TPRG1: variants seen among roughly 807,000 people sequenced by gnomAD.
TPRG1 encodes the protein tumor protein p63-regulated gene 1 protein.
A neutral mutation model predicts 29.3 loss-of-function variants in TPRG1; 29 were observed. That is an observed-to-expected ratio of 0.99 (90% confidence interval 0.74 to 1.35). The LOEUF (loss-of-function observed/expected upper bound fraction) is 1.35, where lower values mean the gene tolerates loss of function less well. Ranked by LOEUF, TPRG1 falls within the 40% of genes most tolerant of loss-of-function variation. TPRG1 has a pLI of 0.00. For missense variants in TPRG1, 327 were observed against 335.0 expected (o/e 0.98, Z 0.19); for synonymous variants, 130 against 116.8 (o/e 1.11, Z -0.73).
intron 1 of TPRG1, among the ~76,000 whole-genome samples, chr3:189,196,913 C>T (rs577437620): frequency 6.6e-6 from 1 of 152,216 alleles, no homozygotes; most frequent in South Asian, 2.1e-4. Flanking sequence ...TTTATAAAAT[C>T]GATGTGTAAA....
Position 189,179,627 on chromosome 3 carries a change from T to C in TPRG1, c.-10+7496T>C, listed in dbSNP as rs114000342. 5.7e-3 allele frequency among the ~76,000 whole-genome samples: 868 copies of C among 152,330 alleles called. 6 individuals are homozygous for C. The highest frequency in any genetic ancestry group is 0.01 in the Non-Finnish European group (701 of 68,028). ...TAGATCTGACTCTTTCACAGACAAT[T>C]ACTCCTTAAGGGAAGAAATTGTATT... On this transcript the variant is annotated intron_variant, in intron 1 of 5. Transcript: ENST00000345063.
chr3:189,179,775 G>A (rs936736242), intron 1 of TPRG1, among the ~76,000 whole-genome samples: 3 of 152,224 alleles, frequency 2.0e-5, no homozygotes, highest in African/African-American at 7.2e-5. Flanking sequence ...ATGCCATTTA[G>A]AGTTGCACTA....
intron 3 of TPRG1, among the ~76,000 whole-genome samples, chr3:189,238,016 C>G (rs971745877): frequency 6.6e-6 from 1 of 152,170 alleles, no homozygotes; most frequent in African/African-American, 2.4e-5. Flanking sequence ...TTTCTGTTCT[C>G]TCTGTTGGAG....
intron 3 of TPRG1, among the ~76,000 whole-genome samples, chr3:189,220,536 G>T (rs1736777779): frequency 6.6e-6 from 1 of 152,060 alleles, no homozygotes; most frequent in Non-Finnish European, 1.5e-5. Flanking sequence ...AATCACACAG[G>T]TACTAAGCCC....
intron 4 of TPRG1, among the ~76,000 whole-genome samples, chr3:189,270,609 C>T (rs1042201302): frequency 1.3e-5 from 2 of 152,222 alleles, no homozygotes; most frequent in East Asian, 3.8e-4. Context: ...CACTGTTTGT[C>T]ACTGGCCATG....
chr3:189,112,089 T>C (rs772128498), intron 1 of TPRG1, among the ~76,000 whole-genome samples: 2 of 152,192 alleles, frequency 1.3e-5, no homozygotes, highest in East Asian at 1.9e-4. Flanking sequence ...TCTGTTGATA[T>C]GATGAATTAC....
At chr3:189,134,234 T>G (rs1221124403) in intron 3 of TPRG1, among the ~76,000 whole-genome samples, 1 of 152,086 alleles carries the variant, frequency 6.6e-6, no homozygotes, top group East Asian at 1.9e-4. Context: ...TTTCCTCATC[T>G]GCAAAATGAA....
intron 4 of TPRG1, among the ~76,000 whole-genome samples, chr3:189,048,515 C>T (rs1715108875): frequency 6.6e-6 from 1 of 152,164 alleles, no homozygotes; most frequent in Non-Finnish European, 1.5e-5. Context: ...TCAGCCTATC[C>T]TTTGATGCTT....
intron 3 of TPRG1, among the ~76,000 whole-genome samples, chr3:189,139,283 A>G (rs1020825285): frequency 4.6e-5 from 7 of 152,208 alleles, no homozygotes; most frequent in African/African-American, 1.2e-4. Context: ...TGCTCTTTGC[A>G]GTTTCACAGA....
intron 4 of TPRG1, among the ~76,000 whole-genome samples, chr3:189,268,503 A>G (rs2109071157): frequency 6.6e-6 from 1 of 152,304 alleles, no homozygotes; most frequent in Middle Eastern, 3.4e-3. Context: ...CTCCTTAGGA[A>G]GTTGTTGCCT....
intron 4 of TPRG1, among the ~76,000 whole-genome samples, chr3:189,251,488 G>A (rs889179745): frequency 3.3e-5 from 5 of 152,004 alleles, no homozygotes; most frequent in Middle Eastern, 3.2e-3. Flanking sequence ...GGGGCCCAGG[G>A]GACCAGCGTT....
intron 4 of TPRG1, among the ~76,000 whole-genome samples, chr3:189,300,060 A>G (rs1223378323): frequency 6.6e-6 from 1 of 152,240 alleles, no homozygotes; most frequent in Non-Finnish European, 1.5e-5. Context: ...CCACACATAA[A>G]AAAGTGAACT....
intron 4 of TPRG1, among the ~76,000 whole-genome samples, chr3:189,062,420 G>A (rs1014200284): frequency 6.6e-6 from 1 of 152,016 alleles, no homozygotes; most frequent in African/African-American, 2.4e-5. Flanking sequence ...ACCTGAATAT[G>A]TATCCCTGAA....
chr3:189,074,972 C>T (rs1020246503), intron 4 of TPRG1, among the ~76,000 whole-genome samples: 8 of 151,890 alleles, frequency 5.3e-5, no homozygotes, highest in East Asian at 1.9e-4. Flanking sequence ...CCACCACGCC[C>T]GGCTAATTTT....
intron 3 of TPRG1, chr3:189,218,114 T>C (rs192609034): frequency 4.5e-6 from 4 of 879,322 alleles, no homozygotes; most frequent in Non-Finnish European, 5.5e-6. Flanking sequence ...CCACACAAGA[T>C]TCTCTCTTTT....
chr3:189,095,143 G>C (rs1192820113), upstream of TPRG1, among the ~76,000 whole-genome samples: 1 of 152,110 alleles, frequency 6.6e-6, no homozygotes, highest in East Asian at 1.9e-4. Flanking sequence ...GATCTTCAGT[G>C]GCTGTTGTTT....
Position 189,022,020 on chromosome 3 carries a change from G to A in TPRG1, c.-659-1730G>A, listed in dbSNP as rs537148341. 3.9e-5 allele frequency among the ~76,000 whole-genome samples: 6 copies of A among 151,922 alleles called. No individual in the cohort carries two copies. The South Asian group carries it at 8.3e-4, about 21-fold the overall frequency. On this transcript the variant is annotated intron_variant, in intron 3 of 10. Transcript: ENST00000433971. ...CTGATACCCTTTCTTCCAGTTGATCGCATTGGCTCCTGAGGCTTCTGCATT... is the reference window on the plus strand; with the variant it reads ...CTGATACCCTTTCTTCCAGTTGATCACATTGGCTCCTGAGGCTTCTGCATT...
At chr3:189,077,742 G>GTA (rs1717278385) in intron 4 of TPRG1, among the ~76,000 whole-genome samples, 1 of 152,134 alleles carries the variant, frequency 6.6e-6, no homozygotes, top group African/African-American at 2.4e-5. Flanking sequence ...TAGGCACTCA[G>GTA]TATAGATTAG....
chr3:189,315,432 T>C (rs16864215), intron 5 of TPRG1: 50,255 of 440,788 alleles, frequency 0.11, 3,380 homozygotes, highest in East Asian at 0.19. Flanking sequence ...ATCCACTTTG[T>C]ATTTGCAACT....
Sources: allele counts gnomAD v4.1 joint callset (sites outside exome capture counted in the v4.1 genomes callset), GRCh38; gene constraint gnomAD v4.1.1; transcripts MANE v1.5; gene names NCBI Gene and HGNC (gene_info 2026-07-23, HGNC 2026-07-21).